Variants in SCEL observed in about 807,000 individuals in gnomAD.
The protein encoded by SCEL is sciellin.
A neutral mutation model predicts 117.6 loss-of-function variants in SCEL; 113 were observed. That is an observed-to-expected ratio of 0.96 (90% CI 0.83 to 1.12). The LOEUF (loss-of-function observed/expected upper bound fraction) is 1.12. Ranked by LOEUF, SCEL falls within the 50% of genes most tolerant of loss-of-function variation. The pLI is 0.00. For synonymous variants in SCEL, 270 were observed against 256.2 expected (o/e 1.05, Z -0.51); for missense variants, 785 against 810.8 (o/e 0.97, Z 0.39).
intron 19 of SCEL, among the ~76,000 whole-genome samples, chr13:77,604,782 C>T (rs1476261877): frequency 6.6e-6 from 1 of 151,982 alleles, no homozygotes; most frequent in Non-Finnish European, 1.5e-5. Context: ...TGTGTAAGTG[C>T]ATATGTATGT....
At chr13:77,550,976 G>A (rs572822882) in intron 1 of SCEL, among the ~76,000 whole-genome samples, 53 of 152,314 alleles carry the variant, frequency 3.5e-4, no homozygotes, top group Non-Finnish European at 6.0e-4. Flanking sequence ...GACTTCCAAG[G>A]AGTGAGATGC....
Position 77,591,463 on chromosome 13 carries a change from A to G in SCEL, c.692+3A>G. ...AGATCTGCTGAAAGAAATATAAGGT[A>G]CACTGATTTCTATTTATATCTATGT... On this transcript the variant is annotated splice_donor_region_variant and intron_variant, in intron 11 of 32. Transcript: ENST00000349847. 6.6e-7 allele frequency: 1 copy of G among 1,506,132 alleles called. No individual in the cohort carries two copies. The highest frequency in any genetic ancestry group is 2.3e-5 in the East Asian group (1 of 44,266). The allele number at this position is 1,506,132 out of a possible 1,614,324, so 93.3% of individuals were successfully genotyped here.
intron 9 of SCEL, among the ~76,000 whole-genome samples, chr13:77,588,495 G>T (rs562863946): frequency 6.6e-6 from 1 of 152,180 alleles, no homozygotes; most frequent in Admixed American, 6.5e-5. Context: ...TCTTAGTAAG[G>T]TGCTGACTCC....
intron 4 of SCEL, among the ~76,000 whole-genome samples, chr13:77,561,572 C>G (rs1258717868): frequency 1.3e-5 from 2 of 152,202 alleles, no homozygotes; most frequent in Admixed American, 6.5e-5. Context: ...TACCTTGATG[C>G]CCACTGAACA....
intron 9 of SCEL, among the ~76,000 whole-genome samples, chr13:77,580,745 T>C (rs1370695820): frequency 6.6e-6 from 1 of 152,224 alleles, no homozygotes; most frequent in Non-Finnish European, 1.5e-5. Context: ...GTGCTTTTTT[T>C]CTGGAATCAT....
At chr13:77,560,015 G>T in intron 4 of SCEL, 152 bp downstream of exon 4, 1 of 704,904 alleles carries the variant, frequency 1.4e-6, no homozygotes. Context: ...TATCATCAGA[G>T]GTTTCCACAA....
At chr13:77,605,897 G>A (rs2088133395) in intron 19 of SCEL, among the ~76,000 whole-genome samples, 2 of 152,116 alleles carry the variant, frequency 1.3e-5, no homozygotes, top group Admixed American at 6.5e-5. Context: ...TGAGGCAGGA[G>A]AATTGCTTGA....
chr13:77,634,354 T>A (rs2090171565), intron 28 of SCEL, 25 bp from the exon 29 acceptor site: 18 of 1,594,762 alleles, frequency 1.1e-5, no homozygotes, highest in Non-Finnish European at 1.3e-5. Flanking sequence ...ACTTTAATCA[T>A]GAAGTAAAAT....
intron 9 of SCEL, among the ~76,000 whole-genome samples, chr13:77,574,292 C>T (rs1326981387): frequency 6.6e-6 from 1 of 152,172 alleles, no homozygotes; most frequent in Admixed American, 6.5e-5. Flanking sequence ...AATTTATGCA[C>T]TGCTGGATGT....
intron 30 of SCEL, among the ~76,000 whole-genome samples, chr13:77,638,971 A>G (rs759078680): frequency 6.6e-6 from 1 of 152,010 alleles, no homozygotes; most frequent in South Asian, 2.1e-4. Flanking sequence ...ACTTCACCCC[A>G]GGGGTTAGTG....
At chr13:77,602,890 C>G in intron 17 of SCEL, 177 bp downstream of exon 17, 1 of 636,320 alleles carries the variant, frequency 1.6e-6, no homozygotes, top group East Asian at 2.8e-5. Flanking sequence ...TTACATATAG[C>G]CCAATAAAAT....
chr13:77,561,523 G>A (rs1382383663), intron 4 of SCEL, among the ~76,000 whole-genome samples: 1 of 152,144 alleles, frequency 6.6e-6, no homozygotes, highest in East Asian at 1.9e-4. Flanking sequence ...TGCTCAGAGG[G>A]TATCACTTGT....
At chr13:77,639,577 C>T (rs774814611) in intron 30 of SCEL, among the ~76,000 whole-genome samples, 2 of 152,140 alleles carry the variant, frequency 1.3e-5, no homozygotes, top group Non-Finnish European at 2.9e-5. Context: ...GTTGGTACCA[C>T]GCTGCCTCCA....
intron 1 of SCEL, among the ~76,000 whole-genome samples, chr13:77,539,872 G>T (rs1231124366): frequency 1.3e-5 from 2 of 152,082 alleles, no homozygotes; most frequent in South Asian, 2.1e-4. Context: ...CTGAAAGAAA[G>T]GAATAAATGA....
rs551296825 is a variant in SCEL, at chr13:77,551,963, C to T, written c.-19-3894C>T. 2.5e-3 allele frequency among the ~76,000 whole-genome samples: 379 copies of T among 149,642 alleles called. 2 individuals are homozygous for T. Among genetic ancestry groups the T allele is most frequent in the African/African-American group, 8.4e-3 (344 of 40,724 alleles). On this transcript the variant is annotated intron_variant, in intron 1 of 32. Coordinates refer to ENST00000349847, the MANE Select transcript of SCEL (RefSeq NM_144777.3). ...TGCGGTGTTTGGTTTTTTGTTCTTA[C>T]GATAGTTTACTGAGAATGATGATTT...
chr13:77,606,428 G>A (rs554918727), intron 19 of SCEL: 1 of 152,246 alleles, frequency 6.6e-6, no homozygotes, highest in East Asian at 1.9e-4. Context: ...TAAAAATATA[G>A]TTAAAGCAAA....
intron 27 of SCEL, among the ~76,000 whole-genome samples, chr13:77,623,164 CTTAA>C (rs1296190257): frequency 1.3e-5 from 2 of 152,176 alleles, no homozygotes; most frequent in Non-Finnish European, 2.9e-5. Context: ...TTGATGTGGT[CTTAA>C]TTAAAGAACA....
intron 22 of SCEL, among the ~76,000 whole-genome samples, chr13:77,610,909 T>C (rs2088604336): frequency 6.6e-6 from 1 of 152,188 alleles, no homozygotes; most frequent in South Asian, 2.1e-4. Flanking sequence ...CTAAGACATA[T>C]CATGTTAAGT....
At chr13:77,547,792 A>G (rs747625908) in intron 1 of SCEL, among the ~76,000 whole-genome samples, 2 of 152,318 alleles carry the variant, frequency 1.3e-5, no homozygotes, top group African/African-American at 4.8e-5. Context: ...GAACAAGTGA[A>G]ATAAGACATT....
Sources: allele counts gnomAD v4.1 joint callset (sites outside exome capture counted in the v4.1 genomes callset), GRCh38; gene constraint gnomAD v4.1.1; transcripts MANE v1.5; gene names NCBI Gene and HGNC (gene_info 2026-07-23, HGNC 2026-07-21).